The following PSME4 variants were observed in gnomAD, a reference collection of about 807,000 sequenced individuals.
PSME4 encodes the protein proteasome activator subunit 4.
Under a neutral mutation model 253.9 loss-of-function variants are expected in PSME4, and 89 were observed. The ratio of observed to expected loss-of-function variants is 0.35; its 90% confidence interval spans 0.30 to 0.42. The LOEUF (loss-of-function observed/expected upper bound fraction) is 0.42, where lower values mean the gene tolerates loss of function less well. PSME4 is among the 10% of genes least tolerant of loss of function. PSME4 has a pLI of 1.00. For synonymous variants in PSME4, 851 were observed against 759.2 expected, an observed-to-expected ratio of 1.12 and a Z score of -1.99; for missense variants, 2,014 against 2,195.2, an observed-to-expected ratio of 0.92 and a Z score of 1.65.
intron 41 of PSME4, among the ~76,000 whole-genome samples, chr2:53,879,820 AG>A (rs1198624331): frequency 9.4e-5 from 14 of 149,382 alleles, no homozygotes; most frequent in Middle Eastern, 3.4e-3. Context: ...AAAAAAAAAA[AG>A]GAAAAGGAAA....
At position 53,909,951 on chromosome 2, in the gene PSME4, C is replaced by A. The variant is rs758092549; in HGVS notation, c.2572+124G>T. On this transcript the variant is annotated intron_variant, in intron 21 of 46. Transcript: ENST00000404125. ...CGTCACCACACTCCAGCCTGGGAGA[C>A]AGAGTGAGACTCTGTCTCAAAACAA... The A allele has an allele frequency of 3.5e-6, 3 of 862,086 alleles. No individual in the cohort carries two copies. The African/African-American group carries it at 5.0e-5, about 14-fold the overall frequency. The allele number at this position is 862,086 out of a possible 1,614,324, so 53.4% of individuals were successfully genotyped here. A position where few individuals can be genotyped will look rare whatever the true frequency, so the allele number is the denominator to read the frequency against.
At chr2:53,883,053 A>G (rs1395677143) in intron 41 of PSME4, among the ~76,000 whole-genome samples, 1 of 152,166 alleles carries the variant, frequency 6.6e-6, no homozygotes, top group East Asian at 1.9e-4. Context: ...AGATACATAT[A>G]AGAAAGGTTA....
In PSME4 at chr2:53,895,586, G is replaced by A; in HGVS notation, c.3839C>T (p.Pro1280Leu). The change falls in exon 33 of 47, where the codon CCA (proline) becomes CTA (leucine). Residue 1280 changes from proline (P) to leucine (L), a missense_variant. Pro to Leu is a moderately conservative substitution (Grantham distance 98, BLOSUM62 -3). Coordinates refer to ENST00000404125, the MANE Select transcript of PSME4 (RefSeq NM_014614.3). ...EKTHWGYYTW[P>L]KNMVVYAGVE... ...AGGTGCACAGTAAGTTACTTACTTTGGCCAGGTGTAGTATCCCCAGTGAGT... is the reference window on the plus strand; with the variant it reads ...AGGTGCACAGTAAGTTACTTACTTTAGCCAGGTGTAGTATCCCCAGTGAGT... 1.2e-6 allele frequency: 2 copies of A among 1,608,354 alleles called. No individual in the cohort carries two copies. Among genetic ancestry groups the A allele is most frequent in the Non-Finnish European group, 1.7e-6 (2 of 1,177,900 alleles).
intron 37 of PSME4, 81 bp from the exon 38 acceptor site, chr2:53,888,893 T>C (rs559879459): frequency 3.3e-6 from 4 of 1,204,554 alleles, no homozygotes; most frequent in South Asian, 1.4e-5. Context: ...TTTAATTTAA[T>C]TTTATTTTTG....
intron 1 of PSME4, among the ~76,000 whole-genome samples, chr2:53,949,877 T>A (rs1669895840): frequency 6.6e-6 from 1 of 152,208 alleles, no homozygotes; most frequent in South Asian, 2.1e-4. Flanking sequence ...TTAATGACAA[T>A]TTTTAAAAAT....
At chr2:53,888,024 C>G (rs750992467) in intron 38 of PSME4, 35 bp from the exon 39 acceptor site, 16 of 1,576,812 alleles carry the variant, frequency 1.0e-5, no homozygotes, top group Non-Finnish European at 1.4e-5. Context: ...ATATTGGAGG[C>G]CCTTTCTGCC....
chr2:53,937,459 CT>C lies in PSME4; in HGVS notation c.626del (p.Lys209ArgfsTer30). 6.2e-7 allele frequency: 1 copy of C among 1,610,640 alleles called. No individual in the cohort carries two copies. Among genetic ancestry groups the C allele is most frequent in the Admixed American group, 1.7e-5 (1 of 59,564 alleles). Reference protein sequence around the residue: ...LMCPFDVTMQKAITYFEIFLP... With the variant: ...LMCPFDVTMQXAITYFEIFLP... ...GAAATATTTCAAAATAAGTGATGGC[CT>C]TTTGCATGGTTACATCAAAAGGGCA... On this transcript the variant is annotated frameshift_variant, in exon 5 of 47. Transcript: ENST00000404125. LOFTEE classifies it high-confidence loss of function.
chr2:53,866,642 G>T, intron 45 of PSME4, 105 bp downstream of exon 45: 2 of 1,255,412 alleles, frequency 1.6e-6, no homozygotes, highest in Non-Finnish European at 2.2e-6. Flanking sequence ...AGAGGCAGCA[G>T]CTTTATGAAA....
At chr2:53,952,435 G>C (rs969060803) in intron 1 of PSME4, among the ~76,000 whole-genome samples, 1 of 152,208 alleles carries the variant, frequency 6.6e-6, no homozygotes, top group East Asian at 1.9e-4. Context: ...CCAGCTACTC[G>C]GGAGGCTGAG....
intron 5 of PSME4, among the ~76,000 whole-genome samples, chr2:53,937,186 A>G (rs1669164949): frequency 6.6e-6 from 1 of 152,068 alleles, no homozygotes. Flanking sequence ...TAATTTCTTA[A>G]AGCCCTCATC....
intron 43 of PSME4, chr2:53,871,001 T>G (rs921796449): frequency 6.6e-6 from 1 of 152,146 alleles, no homozygotes; most frequent in African/African-American, 2.4e-5. Context: ...TATAAACAAT[T>G]TTACAGCTAA....
chr2:53,893,221 C>T (rs1372884776), intron 35 of PSME4, among the ~76,000 whole-genome samples: 3 of 133,020 alleles, frequency 2.3e-5, no homozygotes, highest in South Asian at 2.7e-4. Flanking sequence ...ACATAAAAAA[C>T]GCATGCAGTT....
rs764838192 is a variant in PSME4 at position 53,925,911 on chromosome 2, T to C, written c.1658+48A>G. The C allele has an allele frequency of 7.1e-6, 11 of 1,541,416 alleles. No individual in the cohort carries two copies. The South Asian group carries it at 1.2e-4, about 17-fold the overall frequency. On this transcript the variant is annotated intron_variant, in intron 13 of 46. Transcript: ENST00000404125. ...AACTAAACTTTCTGGGATAGAAGAGTCATTTTCTAGAATTTCAGCTAAACG... is the reference window on the plus strand; with the variant it reads ...AACTAAACTTTCTGGGATAGAAGAGCCATTTTCTAGAATTTCAGCTAAACG...
At chr2:53,885,839 C>G (rs1023856833) in intron 40 of PSME4, 64 bp from the exon 41 acceptor site, 2 of 1,182,864 alleles carry the variant, frequency 1.7e-6, no homozygotes, top group African/African-American at 3.0e-5. Context: ...CAAAGTAGAA[C>G]AATATTGTAA....
chr2:53,872,861 TC>T (rs1352740634), intron 43 of PSME4, among the ~76,000 whole-genome samples: 1 of 149,062 alleles, frequency 6.7e-6, no homozygotes, highest in Non-Finnish European at 1.5e-5. Flanking sequence ...TTGTTTCCAC[TC>T]CTTTAGGTTA....
At chr2:53,895,501 C>T (rs933400367) in intron 33 of PSME4, 82 bp downstream of exon 33, 4 of 1,395,818 alleles carry the variant, frequency 2.9e-6, no homozygotes, top group Non-Finnish European at 3.9e-6. Flanking sequence ...TCAAGTGCCT[C>T]TGAACCTCCC....
chr2:53,940,650 C>G (rs1365484390), intron 3 of PSME4, among the ~76,000 whole-genome samples: 1 of 151,056 alleles, frequency 6.6e-6, no homozygotes, highest in Admixed American at 6.6e-5. Flanking sequence ...ATAAAAAGGC[C>G]AATGTGTACT....
chr2:53,894,941 G>T, intron 34 of PSME4, 66 bp downstream of exon 34: 3 of 1,336,878 alleles, frequency 2.2e-6, no homozygotes, highest in Non-Finnish European at 2.1e-6. Context: ...GAACTGAAGT[G>T]AGGTTGAGAT....
At chr2:53,947,846 T>C (rs1319882859) in intron 3 of PSME4, among the ~76,000 whole-genome samples, 1 of 151,612 alleles carries the variant, frequency 6.6e-6, no homozygotes, top group East Asian at 1.9e-4. Context: ...CGAAACCCCA[T>C]CTCTACTAAA....
Sources: gnomAD v4.1 joint callset for allele counts (sites outside exome capture counted in the v4.1 genomes callset) on GRCh38, gnomAD v4.1.1 for gene constraint, MANE v1.5 for transcripts, NCBI Gene and HGNC (gene_info 2026-07-23, HGNC 2026-07-21) for gene names.